The following LIN9 variants were observed in gnomAD, a reference collection of about 807,000 sequenced individuals.
LIN9 encodes the protein protein lin-9 homolog.
In LIN9, 18 loss-of-function variants were observed where a neutral mutation model predicts 78.0. That is an observed-to-expected ratio of 0.23 (90% confidence interval 0.16 to 0.34). The LOEUF is 0.34. LIN9 is among the 10% of genes least tolerant of loss of function. The pLI, the probability that LIN9 is intolerant of heterozygous loss-of-function variation, is 1.00. For missense variants in LIN9, 451 were observed against 644.1 expected, an observed-to-expected ratio of 0.70 and a Z score of 3.25; for synonymous variants, 192 against 215.2, an observed-to-expected ratio of 0.89 and a Z score of 0.94.
intron 7 of LIN9, among the ~76,000 whole-genome samples, chr1:226,277,450 A>G (rs1230605334): frequency 6.6e-6 from 1 of 152,198 alleles, no homozygotes; most frequent in African/African-American, 2.4e-5. Context: ...TTTAAAAGCC[A>G]TTTCTCGAAT....
intron 7 of LIN9, among the ~76,000 whole-genome samples, chr1:226,270,309 TG>T (rs1433816466): frequency 6.6e-6 from 1 of 152,054 alleles, no homozygotes; most frequent in African/African-American, 2.4e-5. Flanking sequence ...GAATAAAAAA[TG>T]AAGCAGAGAC....
intron 7 of LIN9, among the ~76,000 whole-genome samples, chr1:226,268,978 AG>A (rs1660098871): frequency 6.6e-6 from 1 of 152,204 alleles, no homozygotes; most frequent in Non-Finnish European, 1.5e-5. Context: ...CACCAAAACT[AG>A]TAGTCTTGGA....
intron 11 of LIN9, among the ~76,000 whole-genome samples, chr1:226,243,993 GC>G (rs1658297390): frequency 6.6e-6 from 1 of 151,152 alleles, no homozygotes; most frequent in Non-Finnish European, 1.5e-5. Flanking sequence ...TCCTGCCTCA[GC>G]CTCCCGAATA....
At chr1:226,294,706 A>G (rs1266827462) in intron 4 of LIN9, among the ~76,000 whole-genome samples, 1 of 152,242 alleles carries the variant, frequency 6.6e-6, no homozygotes, top group African/African-American at 2.4e-5. Flanking sequence ...GGGAATGATT[A>G]TATCAGAAGT....
chr1:226,244,149 T>TAC (rs1658305987), intron 11 of LIN9, among the ~76,000 whole-genome samples: 5 of 148,282 alleles, frequency 3.4e-5, no homozygotes, highest in Admixed American at 3.4e-4. Context: ...GTGCTGGGAT[T>TAC]ACAGGCGTGA....
At position 226,270,766 on chromosome 1, in the gene LIN9, A is replaced by C. The variant is rs532031651; in HGVS notation, c.683-2676T>G. 1.1e-4 allele frequency among the ~76,000 whole-genome samples: 15 copies of C among 140,550 alleles called. No individual in the cohort carries two copies. The East Asian group carries it at 3.4e-3, about 32-fold the overall frequency. The allele number at this position is 140,550 out of a possible 152,430, so 92.2% of individuals were successfully genotyped here. A position where few individuals can be genotyped will look rare whatever the true frequency, so the allele number is the denominator to read the frequency against. On this transcript the variant is annotated intron_variant, in intron 7 of 14. Transcript: ENST00000681046. Reference sequence around the variant, plus strand: ...CAAGAGGTAGAGAGGTAGAGACTGCAGTGAGCCAGGATAGTACCACTGCAC... The same window carrying C: ...CAAGAGGTAGAGAGGTAGAGACTGCCGTGAGCCAGGATAGTACCACTGCAC...
At chr1:226,301,107 T>C (rs1662509571) in intron 2 of LIN9, 66 bp downstream of exon 2, 3 of 1,197,484 alleles carry the variant, frequency 2.5e-6, no homozygotes, top group Non-Finnish European at 3.6e-6. Flanking sequence ...GGAAACACTA[T>C]ATCCAGATTA....
At chr1:226,269,635 T>C (rs1040663143) in intron 7 of LIN9, among the ~76,000 whole-genome samples, 6 of 152,102 alleles carry the variant, frequency 3.9e-5, no homozygotes, top group Non-Finnish European at 8.8e-5. Context: ...CCAGCCAGAA[T>C]TTTGACTGGT....
At chr1:226,280,219 T>G (rs1173522505) in intron 6 of LIN9, among the ~76,000 whole-genome samples, 1 of 152,188 alleles carries the variant, frequency 6.6e-6, no homozygotes, top group East Asian at 1.9e-4. Flanking sequence ...AAAGGTACAT[T>G]ATGAGCTCTA....
intron 10 of LIN9, among the ~76,000 whole-genome samples, chr1:226,261,607 G>A (rs932059017): frequency 1.6e-4 from 25 of 152,136 alleles, no homozygotes; most frequent in African/African-American, 6.0e-4. Context: ...GCAAAACTCT[G>A]ATGAAAGAAA....
At chr1:226,249,429 C>T (rs1658686101) in intron 11 of LIN9, among the ~76,000 whole-genome samples, 1 of 152,094 alleles carries the variant, frequency 6.6e-6, no homozygotes, top group African/African-American at 2.4e-5. Context: ...AGTTTTAATA[C>T]CTGTACTGCT....
intron 5 of LIN9, among the ~76,000 whole-genome samples, chr1:226,286,699 TA>T (rs1415125567): frequency 6.6e-6 from 1 of 152,200 alleles, no homozygotes; most frequent in Non-Finnish European, 1.5e-5. Flanking sequence ...TTCAATCTCT[TA>T]TACAGGTATA....
At position 226,262,784 on chromosome 1, in the gene LIN9, G is replaced by T. The variant is rs1659673116; in HGVS notation, c.1038+2749C>A. 2.0e-5 allele frequency among the ~76,000 whole-genome samples: 3 copies of T among 152,168 alleles called. No individual in the cohort carries two copies. The South Asian group carries it at 6.2e-4, about 32-fold the overall frequency. ...TATGAACCAGCAATTACACTCCTTGGTATTTACCCAAAGGAGCTGAAAACT... is the reference window on the plus strand; with the variant it reads ...TATGAACCAGCAATTACACTCCTTGTTATTTACCCAAAGGAGCTGAAAACT... On this transcript the variant is annotated intron_variant, in intron 10 of 14. Transcript: ENST00000681046.
chr1:226,252,052 T>G (rs1025952355), intron 10 of LIN9, among the ~76,000 whole-genome samples: 1 of 152,012 alleles, frequency 6.6e-6, no homozygotes, highest in African/African-American at 2.4e-5. Flanking sequence ...CCCAAGAGTT[T>G]GTGACCACCC....
intron 1 of LIN9, among the ~76,000 whole-genome samples, chr1:226,302,262 G>A (rs1431309240): frequency 6.6e-6 from 1 of 152,126 alleles, no homozygotes; most frequent in African/African-American, 2.4e-5. Flanking sequence ...TCAATAGAGA[G>A]GCCGGGTGCG....
chr1:226,270,368 C>CA (rs919558579), intron 7 of LIN9, among the ~76,000 whole-genome samples: 1 of 151,892 alleles, frequency 6.6e-6, no homozygotes, highest in Non-Finnish European at 1.5e-5. Flanking sequence ...AACAACTCTC[C>CA]AAAAAATTAG....
At chr1:226,296,189 G>T (rs114576267) in intron 3 of LIN9, among the ~76,000 whole-genome samples, 201 of 152,278 alleles carry the variant, frequency 1.3e-3, no homozygotes, top group African/African-American at 4.5e-3. Flanking sequence ...AAGTAAAACT[G>T]GAACCCCAAG....
intron 7 of LIN9, among the ~76,000 whole-genome samples, chr1:226,269,914 T>A (rs1449267218): frequency 6.6e-6 from 1 of 152,164 alleles, no homozygotes; most frequent in African/African-American, 2.4e-5. Context: ...AATCATTAGG[T>A]GACCACTAAA....
chr1:226,285,798 A>G (rs148091147), intron 6 of LIN9, among the ~76,000 whole-genome samples: 3 of 152,180 alleles, frequency 2.0e-5, no homozygotes, highest in African/African-American at 7.2e-5. Flanking sequence ...TTCACAAAAG[A>G]TAACAAAAAT....
Sources: gnomAD v4.1 joint callset for allele counts (sites outside exome capture counted in the v4.1 genomes callset) on GRCh38, gnomAD v4.1.1 for gene constraint, MANE v1.5 for transcripts, NCBI Gene and HGNC (gene_info 2026-07-23, HGNC 2026-07-21) for gene names.